The following RAB11FIP2 variants were observed in gnomAD, a reference collection of about 807,000 sequenced individuals.
RAB11FIP2 encodes RAB11 family interacting protein 2.
In RAB11FIP2, 16 loss-of-function variants were observed where a neutral mutation model predicts 40.9. The observed-to-expected ratio is 0.39, with a 90% CI of 0.26 to 0.59. The LOEUF is 0.59. RAB11FIP2 is among the 20% of genes least tolerant of loss of function. The pLI is 0.53. For missense variants in RAB11FIP2, 532 were observed against 606.2 expected, an observed-to-expected ratio of 0.88 and a Z score of 1.28; for synonymous variants, 228 against 213.7, an observed-to-expected ratio of 1.07 and a Z score of -0.58.
At chr10:118,016,208 T>A (rs1846218244) in intron 3 of RAB11FIP2, among the ~76,000 whole-genome samples, 1 of 152,300 alleles carries the variant, frequency 6.6e-6, no homozygotes, top group East Asian at 1.9e-4. Context: ...AGTACTAGCT[T>A]CCAGAAGTGA....
Position 118,006,990 on chromosome 10 carries a change from T to C in RAB11FIP2, c.*2008A>G, listed in dbSNP as rs554087774. The C allele has an allele frequency of 3.9e-5, 6 of 152,554 alleles. No individual in the cohort carries two copies. Among genetic ancestry groups the C allele is most frequent in the Non-Finnish European group, 8.8e-5 (6 of 67,914 alleles). The allele number at this position is 152,554 out of a possible 1,614,324, so 9.5% of individuals were successfully genotyped here. On this transcript the variant is annotated 3_prime_UTR_variant, in exon 5 of 5. Transcript: ENST00000355624. ...AAAACTGACATCTTGGTTCACTCTA[T>C]AAACAGCAAATTTGGCCAAAGCATA...
rs187784324 is a variant in RAB11FIP2 at position 118,019,697 on chromosome 10, G to T, written c.1266-4587C>A. On this transcript the variant is annotated intron_variant, in intron 3 of 4. Transcript: ENST00000355624. ...AAAAATTAGCCGGGCGTGGTGGCAG[G>T]CGCCTGTAGTCCTAGCTACTCGGGA... Among the ~76,000 whole-genome samples, 1,421 of 152,140 alleles carry T rather than the reference G, an allele frequency of 9.3e-3. 9 individuals carry two copies. Among genetic ancestry groups the T allele is most frequent in the Middle Eastern group, 0.017 (5 of 294 alleles).
At chr10:118,042,544 A>G (rs987489816) in intron 1 of RAB11FIP2, among the ~76,000 whole-genome samples, 6 of 152,196 alleles carry the variant, frequency 3.9e-5, no homozygotes, top group Middle Eastern at 6.3e-3. Context: ...ATACTGCAGG[A>G]CACTGTATTT....
chr10:118,030,848 T>C (rs1459532733), intron 3 of RAB11FIP2, among the ~76,000 whole-genome samples: 1 of 152,100 alleles, frequency 6.6e-6, no homozygotes, highest in Non-Finnish European at 1.5e-5. Flanking sequence ...ATACACCAAT[T>C]AATGAGAGCT....
rs1846130746 is a variant in RAB11FIP2, at chr10:118,009,342, T to G, written c.1312-117A>C. 5 of 930,332 alleles carry G rather than the reference T, an allele frequency of 5.4e-6. No homozygotes were observed. In the Admixed American group the frequency reaches 1.4e-4, roughly 26 times the overall value. The allele number at this position is 930,332 out of a possible 1,614,324, so 57.6% of individuals were successfully genotyped here. A position where few individuals can be genotyped will look rare whatever the true frequency, so the allele number is the denominator to read the frequency against. On this transcript the variant is annotated intron_variant, in intron 4 of 4. Coordinates refer to ENST00000355624, the MANE Select transcript of RAB11FIP2 (RefSeq NM_014904.3). ...ACCCTGATGAAGTTTTTCGCTAGCCTTGCTTAAAGTGAATGTGACAGTTCA... is the reference window on the plus strand; with the variant it reads ...ACCCTGATGAAGTTTTTCGCTAGCCGTGCTTAAAGTGAATGTGACAGTTCA...
chr10:118,045,619 A>G (rs1203368862), intron 1 of RAB11FIP2, 192 bp downstream of exon 1: 1 of 555,314 alleles, frequency 1.8e-6, no homozygotes, highest in African/African-American at 1.9e-5. Flanking sequence ...GGGATCATTA[A>G]TGATTCCATT....
rs150201255 is a variant in RAB11FIP2 at position 118,034,109 on chromosome 10, C to A, written c.1265+4863G>T. The A allele has an allele frequency of 7.6e-5, 53 of 695,212 alleles. 1 individual carries two copies. The East Asian group carries it at 8.9e-4, about 12-fold the overall frequency. The allele number at this position is 695,212 out of a possible 1,614,324, so 43.1% of individuals were successfully genotyped here. On this transcript the variant is annotated intron_variant, in intron 3 of 4. Coordinates refer to ENST00000355624, the MANE Select transcript of RAB11FIP2 (RefSeq NM_014904.3). Reference sequence around the variant, plus strand: ...TATGGTCTCTGTCACAACTACTCAACGCTACCACCGTACACAATTATGACG... The same window carrying A: ...TATGGTCTCTGTCACAACTACTCAAAGCTACCACCGTACACAATTATGACG...
intron 3 of RAB11FIP2, among the ~76,000 whole-genome samples, chr10:118,015,425 A>T (rs1322397106): frequency 6.6e-6 from 1 of 152,190 alleles, no homozygotes; most frequent in Admixed American, 6.5e-5. Flanking sequence ...TGTGTGAGAG[A>T]TTTCCCATTA....
chr10:118,025,970 T>C (rs1846338033), intron 3 of RAB11FIP2, among the ~76,000 whole-genome samples: 1 of 152,234 alleles, frequency 6.6e-6, no homozygotes, highest in Admixed American at 6.5e-5. Context: ...ATTCTATATC[T>C]ACCTGCTTAT....
chr10:118,020,890 T>C (rs1228491062), intron 3 of RAB11FIP2, among the ~76,000 whole-genome samples: 11 of 152,178 alleles, frequency 7.2e-5, no homozygotes, highest in Non-Finnish European at 1.6e-4. Flanking sequence ...ATTTCTCTAT[T>C]AGAAAGAAAG....
At chr10:118,026,934 T>G (rs1846350609) in intron 3 of RAB11FIP2, among the ~76,000 whole-genome samples, 1 of 152,258 alleles carries the variant, frequency 6.6e-6, no homozygotes, top group Admixed American at 6.5e-5. Context: ...TCCTGCCAAA[T>G]GTAGGTCCTT....
In RAB11FIP2 at chr10:118,025,666, A is replaced by G. The variant is rs61317747; in HGVS notation, c.1266-10556T>C. Reference sequence around the variant, plus strand: ...TGCAAATTCTTCATTCTGGTATGCTAAATTCATACTAATAAGGTCACATCT... The same window carrying G: ...TGCAAATTCTTCATTCTGGTATGCTGAATTCATACTAATAAGGTCACATCT... On this transcript the variant is annotated intron_variant, in intron 3 of 4. Coordinates refer to ENST00000355624, the MANE Select transcript of RAB11FIP2 (RefSeq NM_014904.3). Among the ~76,000 whole-genome samples the G allele has an allele frequency of 3.7e-3, 559 of 152,308 alleles. 3 individuals are homozygous for G. Among genetic ancestry groups the G allele is most frequent in the African/African-American group, 0.012 (514 of 41,568 alleles).
chr10:118,034,142 G>A (rs183869470), intron 3 of RAB11FIP2: 15 of 667,532 alleles, frequency 2.2e-5, no homozygotes, highest in East Asian at 8.4e-5. Context: ...ACGATAATGC[G>A]GCTGTGTTCG....
In RAB11FIP2 at chr10:118,023,915, CCT is replaced by C. The variant is rs1198930175; in HGVS notation, c.1266-8807_1266-8806del. Among the ~76,000 whole-genome samples, 4 of 151,972 alleles carry C rather than the reference CCT, an allele frequency of 2.6e-5. No individual in the cohort carries two copies. The East Asian group carries it at 7.8e-4, about 29-fold the overall frequency. On this transcript the variant is annotated intron_variant, in intron 3 of 4. Coordinates refer to ENST00000355624, the MANE Select transcript of RAB11FIP2 (RefSeq NM_014904.3). ...ACCAGCCTGGCCAACATGGTGAAACCCTGTCTCTACTAAAAAATACAAAACTT... is the reference window on the plus strand; with the variant it reads ...ACCAGCCTGGCCAACATGGTGAAACCGTCTCTACTAAAAAATACAAAACTT...
chr10:118,016,923 G>C (rs908834875), intron 3 of RAB11FIP2, among the ~76,000 whole-genome samples: 5 of 152,148 alleles, frequency 3.3e-5, no homozygotes, highest in African/African-American at 1.2e-4. Flanking sequence ...GTGACTACCA[G>C]ATAGAACATT....
rs1054582497 is a variant in RAB11FIP2, at chr10:118,039,020, T to C, written c.1217A>G (p.Asn406Ser). 3.7e-6 allele frequency: 6 copies of C among 1,609,130 alleles called. No homozygotes were observed. The highest frequency in any genetic ancestry group is 1.7e-5 in the Admixed American group (1 of 59,076). ...RQDYFDYESTNPFTAKFRASN... is the reference protein window; with the variant it reads ...RQDYFDYESTSPFTAKFRASN... ...AGCCCTGAATTTTGCTGTAAATGGATTGGTTGACTCATAATCAAAATAGTC... is the reference window on the plus strand; with the variant it reads ...AGCCCTGAATTTTGCTGTAAATGGACTGGTTGACTCATAATCAAAATAGTC... Residue 406 changes from asparagine to serine, a missense_variant, in exon 3 of 5, where the codon AAT becomes AGT. Transcript: ENST00000355624.
chr10:118,014,117 A>G (rs1448899034), intron 4 of RAB11FIP2, among the ~76,000 whole-genome samples: 1 of 152,096 alleles, frequency 6.6e-6, no homozygotes, highest in Non-Finnish European at 1.5e-5. Context: ...AGTTTCCACA[A>G]TTTTAAAGAT....
chr10:118,027,430 T>C (rs1029038803), intron 3 of RAB11FIP2, among the ~76,000 whole-genome samples: 4 of 152,226 alleles, frequency 2.6e-5, no homozygotes, highest in African/African-American at 9.7e-5. Flanking sequence ...TTATGTTCAG[T>C]ATGATTTTCA....
intron 3 of RAB11FIP2, among the ~76,000 whole-genome samples, chr10:118,022,395 G>C (rs1846292325): frequency 6.6e-6 from 1 of 152,112 alleles, no homozygotes; most frequent in Non-Finnish European, 1.5e-5. Context: ...TTATTCGTCT[G>C]TCAAAAAACT....
Sources: allele counts gnomAD v4.1 joint callset (sites outside exome capture counted in the v4.1 genomes callset), GRCh38; gene constraint gnomAD v4.1.1; transcripts MANE v1.5; gene names NCBI Gene and HGNC (gene_info 2026-07-23, HGNC 2026-07-21).